CHST4: variants seen among roughly 807,000 people sequenced by gnomAD.
CHST4 encodes the protein carbohydrate sulfotransferase 4.
For synonymous variants in CHST4, 171 were observed against 195.5 expected, an observed-to-expected ratio of 0.87 and a Z score of 1.05; for missense variants, 466 against 506.0, an observed-to-expected ratio of 0.92 and a Z score of 0.76.
At chr16:71,529,107 GTTTTTTT>G (rs397717246) in intron 1 of CHST4, among the ~76,000 whole-genome samples, 1 of 136,110 alleles carries the variant, frequency 7.3e-6, no homozygotes, top group Non-Finnish European at 1.6e-5. Context: ...TTTGTTTTTT[GTTTTTTT>G]TTTTTTGCTT....
At position 71,536,597 on chromosome 16, in the gene CHST4, G is replaced by C. The variant is rs1597038720; in HGVS notation, c.-18-63G>C. ...GAGAGCAGGTGGCTTTGGCCAGAAGGGGAATAGAAGGCAAACAATAAAACA... is the reference window on the plus strand; with the variant it reads ...GAGAGCAGGTGGCTTTGGCCAGAAGCGGAATAGAAGGCAAACAATAAAACA... On this transcript the variant is annotated intron_variant, in intron 1 of 1. Transcript: ENST00000539698. The C allele has an allele frequency of 2.4e-6, 3 of 1,257,394 alleles. No homozygotes were observed. The East Asian group carries it at 7.9e-5, about 33-fold the overall frequency. 77.9% of individuals were successfully genotyped at this position (1,257,394 alleles called of 1,614,324 possible). A position where few individuals can be genotyped will look rare whatever the true frequency, so the allele number is the denominator to read the frequency against.
chr16:71,530,820 C>A (rs897998664), intron 1 of CHST4, among the ~76,000 whole-genome samples: 1 of 152,052 alleles, frequency 6.6e-6, no homozygotes, highest in Non-Finnish European at 1.5e-5. Context: ...GTGGCTCACA[C>A]CTGTAATCCC....
chr16:71,528,956 G>T (rs57342394), intron 1 of CHST4, among the ~76,000 whole-genome samples: 7 of 152,058 alleles, frequency 4.6e-5, no homozygotes, highest in East Asian at 3.9e-4. Context: ...AGTTCCTAAG[G>T]TTCTCTTGAC....
chr16:71,536,899 C>T lies in CHST4; in HGVS notation c.222C>T (p.Pro74=), dbSNP rs781070454. 2.2e-5 allele frequency: 35 copies of T among 1,596,936 alleles called. No individual in the cohort carries two copies. The highest frequency in any genetic ancestry group is 1.7e-4 in the Middle Eastern group (1 of 6,002). Residue 74 remains proline (P), a synonymous_variant, in exon 2 of 2, where the codon CCC becomes CCT. Coordinates refer to ENST00000539698, the MANE Select transcript of CHST4 (RefSeq NM_001166395.2). ...QHPDVFYLME[P]AWHVWMTFKQ... ...CAGATGTTTTCTACCTGATGGAGCC[C>T]GCCTGGCACGTGTGGATGACCTTCA...
At chr16:71,535,266 A>T (rs1412926082) in intron 1 of CHST4, among the ~76,000 whole-genome samples, 1 of 152,178 alleles carries the variant, frequency 6.6e-6, no homozygotes, top group African/African-American at 2.4e-5. Context: ...TCTGTCTCCC[A>T]GGTTCAGACG....
At chr16:71,529,592 T>C (rs1171578658) in intron 1 of CHST4, among the ~76,000 whole-genome samples, 1 of 141,784 alleles carries the variant, frequency 7.1e-6, no homozygotes, top group Non-Finnish European at 1.5e-5. Context: ...AGTTTCGCTC[T>C]GTTGACCAGG....
upstream of CHST4, chr16:71,526,397 G>A (rs927916321): frequency 7.2e-5 from 11 of 152,402 alleles, no homozygotes; most frequent in Non-Finnish European, 1.2e-4. Flanking sequence ...CAAGTAGGAG[G>A]AGGAAGCCAA....
chr16:71,530,336 G>A (rs1185926109), intron 1 of CHST4, among the ~76,000 whole-genome samples: 1 of 152,192 alleles, frequency 6.6e-6, no homozygotes, highest in Admixed American at 6.5e-5. Flanking sequence ...CACTAAAACA[G>A]AAGGGAGTGA....
intron 1 of CHST4, among the ~76,000 whole-genome samples, chr16:71,529,622 TCTTGATC>T (rs1305587700): frequency 1.4e-5 from 2 of 144,710 alleles, no homozygotes; most frequent in Non-Finnish European, 3.0e-5. Flanking sequence ...AGCGGTGTGA[TCTTGATC>T]AGGAGATCAA....
intron 1 of CHST4, among the ~76,000 whole-genome samples, chr16:71,532,140 T>C (rs948143200): frequency 1.4e-5 from 2 of 148,142 alleles, no homozygotes; most frequent in East Asian, 2.1e-4. Context: ...CTCTGCCTCC[T>C]GGGTTCACGC....
At chr16:71,534,678 T>A (rs1161817384) in intron 1 of CHST4, among the ~76,000 whole-genome samples, 2 of 152,024 alleles carry the variant, frequency 1.3e-5, no homozygotes, top group Admixed American at 1.3e-4. Context: ...TTTCAAGACC[T>A]TGTCTCTGCA....
chr16:71,534,090 C>G (rs886918567), intron 1 of CHST4, among the ~76,000 whole-genome samples: 6 of 151,662 alleles, frequency 4.0e-5, no homozygotes, highest in African/African-American at 1.5e-4. Flanking sequence ...ATGTTAAAAG[C>G]CTGGGGTGTG....
chr16:71,537,522 C>A lies in CHST4; in HGVS notation c.845C>A (p.Ala282Asp). 2 of 1,614,164 alleles carry A rather than the reference C, an allele frequency of 1.2e-6. No homozygotes were observed. Among genetic ancestry groups the A allele is most frequent in the Non-Finnish European group, 1.7e-6 (2 of 1,180,026 alleles). Residue 282 changes from alanine to aspartate, a missense_variant, in exon 2 of 2, where the codon GCC (alanine) becomes GAC (aspartate). Physicochemically the swap from Ala to Asp is moderately radical, Grantham distance 126. Transcript: ENST00000539698. This position sits in a 1 kb window ranked among gnomAD's most constrained non-coding sequence, Gnocchi z 4.2. The stretch of plus-strand genomic sequence containing the variant: ...GTGCGCTATGAGGACCTGGCTCGAG[C>A]CCCTGTGGCCCAGACTTCCCGAATG... ...LLVRYEDLAR[A>D]PVAQTSRMYE...
chr16:71,535,730 T>C (rs2043982331), intron 1 of CHST4, among the ~76,000 whole-genome samples: 1 of 152,144 alleles, frequency 6.6e-6, no homozygotes, highest in South Asian at 2.1e-4. Flanking sequence ...TTAGGTTGGC[T>C]TGCCACACTT....
intron 1 of CHST4, among the ~76,000 whole-genome samples, chr16:71,531,541 A>G (rs1194441838): frequency 6.6e-6 from 1 of 152,124 alleles, no homozygotes; most frequent in Non-Finnish European, 1.5e-5. Flanking sequence ...GACAACTAAC[A>G]CCTGGGAACA....
At chr16:71,531,655 C>T (rs1308510307) in intron 1 of CHST4, among the ~76,000 whole-genome samples, 2 of 152,162 alleles carry the variant, frequency 1.3e-5, no homozygotes, top group African/African-American at 4.8e-5. Flanking sequence ...AAGCCCCGCA[C>T]AGGACACAGA....
intron 1 of CHST4, among the ~76,000 whole-genome samples, chr16:71,530,813 G>A (rs1045839866): frequency 6.6e-6 from 1 of 152,042 alleles, no homozygotes; most frequent in East Asian, 1.9e-4. Context: ...AGGCGTGGTG[G>A]CTCACACCTG....
chr16:71,528,720 T>C (rs2043925469), intron 1 of CHST4, among the ~76,000 whole-genome samples: 1 of 152,230 alleles, frequency 6.6e-6, no homozygotes, highest in South Asian at 2.1e-4. Flanking sequence ...TAGGAATGCA[T>C]CCAGTGGCTG....
intron 1 of CHST4, among the ~76,000 whole-genome samples, chr16:71,530,275 C>T (rs959123420): frequency 1.3e-5 from 2 of 152,072 alleles, no homozygotes; most frequent in Non-Finnish European, 2.9e-5. Flanking sequence ...AATCTCAGGG[C>T]TTTTAAATAA....
Sources: gnomAD v4.1 joint callset for allele counts (sites outside exome capture counted in the v4.1 genomes callset) on GRCh38, gnomAD v4.1.1 for gene constraint, Gnocchi (gnomAD v3.1) non-coding constraint, MANE v1.5 for transcripts, NCBI Gene and HGNC (gene_info 2026-07-23, HGNC 2026-07-21) for gene names.